Variants in UBE2D3 observed in about 807,000 individuals in gnomAD.
The protein encoded by UBE2D3 is ubiquitin conjugating enzyme E2 D3.
In UBE2D3, 2 loss-of-function variants were observed where a neutral mutation model predicts 22.8. The observed-to-expected ratio is 0.09, with a 90% confidence interval of 0.04 to 0.28. The LOEUF (loss-of-function observed/expected upper bound fraction) is 0.28, where lower values mean the gene tolerates loss of function less well. Among genes scored for constraint, UBE2D3 ranks in the 10% least tolerant of loss-of-function variants. The pLI is 1.00. For missense variants in UBE2D3, 27 were observed against 182.5 expected, an observed-to-expected ratio of 0.15 and a Z score of 4.91; for synonymous variants, 56 against 60.4, an observed-to-expected ratio of 0.93 and a Z score of 0.34.
chr4:102,803,218 T>C (rs936102718), intron 4 of UBE2D3, among the ~76,000 whole-genome samples: 20 of 152,190 alleles, frequency 1.3e-4, no homozygotes, highest in Non-Finnish European at 2.5e-4. Flanking sequence ...AGTGTACAAA[T>C]GGTAAATGAT....
Position 102,827,437 on chromosome 4 carries a change from G to GGGCCTCCCTCAAGCTGC in UBE2D3, c.-156_-140dup. ...CACACCCACGCGTACAGAGGGGCCG[G>GGGCCTCCCTCAAGCTGC]GGCCTCCCTCAAGCTGCGGCCTCGG... On this transcript the variant is annotated 5_prime_UTR_variant, in exon 1 of 8. Coordinates refer to ENST00000453744, the MANE Select transcript of UBE2D3 (RefSeq NM_181891.3). The GGGCCTCCCTCAAGCTGC allele has an allele frequency of 1.0e-6, 1 of 986,192 alleles. No individual in the cohort carries two copies. The highest frequency in any genetic ancestry group is 1.2e-6 in the Non-Finnish European group (1 of 830,156). 61.1% of individuals were successfully genotyped at this position (986,192 alleles called of 1,614,324 possible). A position where few individuals can be genotyped will look rare whatever the true frequency, so the allele number is the denominator to read the frequency against.
At chr4:102,836,508 T>C (rs1278131857) in intron 1 of UBE2D3, among the ~76,000 whole-genome samples, 1 of 152,200 alleles carries the variant, frequency 6.6e-6, no homozygotes, top group East Asian at 1.9e-4. Flanking sequence ...AGTGTTTATA[T>C]GGACATATGT....
chr4:102,844,635 G>C lies in UBE2D3; in HGVS notation c.-128-17999C>G, dbSNP rs1731943178. ...CAGCCAGGCCAAGATTCCATCACTTGACTTCCTTAGGTTCCCTATTCTGAC... is the reference window on the plus strand; with the variant it reads ...CAGCCAGGCCAAGATTCCATCACTTCACTTCCTTAGGTTCCCTATTCTGAC... On this transcript the variant is annotated intron_variant, in intron 1 of 7. Transcript: ENST00000338145. Among the ~76,000 whole-genome samples, 4 of 152,148 alleles carry C rather than the reference G, an allele frequency of 2.6e-5. No homozygotes were observed. In the South Asian group the frequency reaches 8.3e-4, roughly 32 times the overall value.
intron 1 of UBE2D3, among the ~76,000 whole-genome samples, chr4:102,860,775 A>G (rs1202103791): frequency 6.6e-6 from 1 of 151,858 alleles, no homozygotes; most frequent in Non-Finnish European, 1.5e-5. Flanking sequence ...TCTGTGTGCT[A>G]TCTGCTGGGG....
At chr4:102,849,499 G>T (rs1732235118) in intron 1 of UBE2D3, among the ~76,000 whole-genome samples, 1 of 150,960 alleles carries the variant, frequency 6.6e-6, no homozygotes, top group African/African-American at 2.4e-5. Flanking sequence ...ATTTGACCAA[G>T]AACTCATATC....
chr4:102,860,369 A>C (rs1732829136), intron 1 of UBE2D3, among the ~76,000 whole-genome samples: 1 of 97,586 alleles, frequency 1.0e-5, no homozygotes, highest in Non-Finnish European at 2.0e-5. Flanking sequence ...AACTGCTAGA[A>C]CTTTAATTTA....
chr4:102,805,844 T>C (rs1298576886), intron 4 of UBE2D3, among the ~76,000 whole-genome samples: 1 of 152,166 alleles, frequency 6.6e-6, no homozygotes, highest in African/African-American at 2.4e-5. Context: ...CTTGTCTCAA[T>C]CCCTTTTTTC....
chr4:102,833,595 C>A (rs751788044), intron 1 of UBE2D3, among the ~76,000 whole-genome samples: 2 of 152,134 alleles, frequency 1.3e-5, no homozygotes, highest in African/African-American at 4.8e-5. Context: ...TATAACAATC[C>A]TTTTGTCACA....
chr4:102,821,982 C>T (rs149113340), intron 2 of UBE2D3, among the ~76,000 whole-genome samples: 207 of 152,202 alleles, frequency 1.4e-3, no homozygotes, highest in African/African-American at 4.8e-3. Flanking sequence ...CTCAGTGTTA[C>T]GAACCTAGTT....
upstream of UBE2D3, among the ~76,000 whole-genome samples, chr4:102,831,127 A>G (rs1240564560): frequency 6.6e-6 from 1 of 152,212 alleles, no homozygotes; most frequent in Non-Finnish European, 1.5e-5. Context: ...AGTACAGTGT[A>G]TACCATTTTA....
chr4:102,866,167 C>G (rs937469692), intron 1 of UBE2D3, among the ~76,000 whole-genome samples: 1 of 151,530 alleles, frequency 6.6e-6, no homozygotes, highest in African/African-American at 2.4e-5. Flanking sequence ...TAGGAATTAT[C>G]TCCTATTACA....
Position 102,796,872 on chromosome 4 carries a change from C to T in UBE2D3, c.*543G>A, listed in dbSNP as rs1725317500. The T allele has an allele frequency of 6.6e-6, 1 of 152,434 alleles. No individual in the cohort carries two copies. The highest frequency in any genetic ancestry group is 2.4e-5 in the African/African-American group (1 of 41,422). The allele number at this position is 152,434 out of a possible 1,614,324, so 9.4% of individuals were successfully genotyped here. A position where few individuals can be genotyped will look rare whatever the true frequency, so the allele number is the denominator to read the frequency against. On this transcript the variant is annotated 3_prime_UTR_variant, in exon 8 of 8. Transcript: ENST00000453744. The stretch of plus-strand genomic sequence containing the variant: ...TTATTGACATGCATAAAATACATCA[C>T]ATTTTCTGTTCTGCTGATGCTATAA...
intron 1 of UBE2D3, among the ~76,000 whole-genome samples, chr4:102,841,471 A>G (rs964076904): frequency 1.3e-5 from 2 of 152,176 alleles, no homozygotes; most frequent in African/African-American, 2.4e-5. Flanking sequence ...TCCAGTCATC[A>G]AGACTAAGAT....
chr4:102,866,428 G>C (rs1304839588), intron 1 of UBE2D3, among the ~76,000 whole-genome samples: 1 of 152,216 alleles, frequency 6.6e-6, no homozygotes, highest in African/African-American at 2.4e-5. Flanking sequence ...CAGAATAGTA[G>C]TAATGGTGGT....
chr4:102,800,433 G>T (rs1725973619), intron 6 of UBE2D3, among the ~76,000 whole-genome samples: 1 of 151,956 alleles, frequency 6.6e-6, no homozygotes. Context: ...TGCCAAAAAA[G>T]TAAGTTGCTT....
chr4:102,866,147 TTGG>T (rs986028306), intron 1 of UBE2D3, among the ~76,000 whole-genome samples: 1 of 152,196 alleles, frequency 6.6e-6, no homozygotes, highest in Non-Finnish European at 1.5e-5. Context: ...GATTTTTAAA[TTGG>T]TGGAGTTAGG....
intron 1 of UBE2D3, among the ~76,000 whole-genome samples, chr4:102,849,630 T>G (rs932996244): frequency 6.6e-5 from 10 of 152,142 alleles, no homozygotes; most frequent in Admixed American, 6.5e-4. Context: ...CTGAAGGCCA[T>G]TTTTGTGAAA....
upstream of UBE2D3, among the ~76,000 whole-genome samples, chr4:102,831,526 GGATA>G (rs544907603): frequency 1.3e-3 from 195 of 152,192 alleles, no homozygotes; most frequent in African/African-American, 4.6e-3. Flanking sequence ...GCTGATGAAT[GGATA>G]AAGAAGATGT....
chr4:102,820,790 G>C (rs1215241764), intron 2 of UBE2D3, among the ~76,000 whole-genome samples: 1 of 152,076 alleles, frequency 6.6e-6, no homozygotes, highest in East Asian at 1.9e-4. Context: ...CCCAGTAGTA[G>C]AAAACATTCA....
Sources: gnomAD v4.1 joint callset for allele counts (sites outside exome capture counted in the v4.1 genomes callset) on GRCh38, gnomAD v4.1.1 for gene constraint, MANE v1.5 for transcripts, NCBI Gene and HGNC (gene_info 2026-07-23, HGNC 2026-07-21) for gene names.